Variants in DOCK2 observed in about 807,000 individuals in gnomAD.
DOCK2 encodes the protein dedicator of cytokinesis 2, also known as dedicator of cytokinesis protein 2.
In DOCK2, 87 loss-of-function variants were observed where a neutral mutation model predicts 248.9. That is an observed-to-expected ratio of 0.35 (90% confidence interval 0.29 to 0.42). The LOEUF is 0.42. Among genes scored for constraint, DOCK2 ranks in the 10% least tolerant of loss-of-function variants. The pLI, the probability that DOCK2 is intolerant of heterozygous loss-of-function variation, is 1.00. For missense variants in DOCK2, 1,747 were observed against 2,300.2 expected (o/e 0.76, Z 4.92); for synonymous variants, 805 against 821.6 (o/e 0.98, Z 0.35).
In DOCK2 at chr5:169,712,044, C is replaced by A. The variant is rs76094129; in HGVS notation, c.1555+37C>A. 132 of 1,613,938 alleles carry A rather than the reference C, an allele frequency of 8.2e-5. No homozygotes were observed. The Middle Eastern group carries it at 8.2e-4, about 10-fold the overall frequency. ...ACTGAATGGCATCTCTGCACCTCCCCCTAAGGGGAGAAGAATGGAAGAGCT... is the reference window on the plus strand; with the variant it reads ...ACTGAATGGCATCTCTGCACCTCCCACTAAGGGGAGAAGAATGGAAGAGCT... On this transcript the variant is annotated intron_variant, in intron 16 of 51. Coordinates refer to ENST00000520908, the MANE Select transcript of DOCK2 (RefSeq NM_004946.3).
intron 45 of DOCK2, among the ~76,000 whole-genome samples, chr5:170,068,453 G>C (rs1218589320): frequency 6.6e-6 from 1 of 152,150 alleles, no homozygotes; most frequent in Non-Finnish European, 1.5e-5. Context: ...GTTATCCATT[G>C]ATGTAAAACT....
chr5:169,860,681 G>T (rs1038900074), intron 27 of DOCK2, among the ~76,000 whole-genome samples: 1 of 152,166 alleles, frequency 6.6e-6, no homozygotes, highest in Admixed American at 6.5e-5. Context: ...CGTGGAGAAG[G>T]CAGGAAAAGG....
rs111590033 is a variant in DOCK2, at chr5:169,995,736, G to A, written c.2994-350G>A. On this transcript the variant is annotated intron_variant, in intron 29 of 51. Transcript: ENST00000520908. ...GATGACAGTTTTCGTTAGGTGATAC[G>A]ATGTGGTAGCAGGTTGTTTATTTGT... Among the ~76,000 whole-genome samples the A allele has an allele frequency of 5.8e-3, 883 of 152,292 alleles. 7 individuals carry two copies. The highest frequency in any genetic ancestry group is 0.041 in the Middle Eastern group (12 of 294).
chr5:169,720,329 A>C (rs76466217), intron 22 of DOCK2, among the ~76,000 whole-genome samples: 2,204 of 152,310 alleles, frequency 0.014, 130 homozygotes, highest in Admixed American at 0.12. Flanking sequence ...CTTCCAAGTG[A>C]GAATGTTTTA....
Position 169,860,477 on chromosome 5 carries a change from G to GA in DOCK2, c.2799+19627dup, listed in dbSNP as rs1380358725. Among the ~76,000 whole-genome samples the GA allele has an allele frequency of 2.6e-5, 4 of 152,252 alleles. No individual in the cohort carries two copies. The East Asian group carries it at 7.7e-4, about 29-fold the overall frequency. On this transcript the variant is annotated intron_variant, in intron 27 of 51. Transcript: ENST00000520908. ...TTGGGAGGCAGGGGGTATATCAGAG[G>GA]AATCAGAGGCTCACAGAAACTAAGC...
intron 22 of DOCK2, among the ~76,000 whole-genome samples, chr5:169,746,992 G>A (rs1400746859): frequency 1.3e-5 from 2 of 152,184 alleles, no homozygotes; most frequent in Non-Finnish European, 2.9e-5. Flanking sequence ...ACAATGGGTG[G>A]CGGAAATGGC....
At chr5:169,835,461 G>T (rs1024274468) in intron 26 of DOCK2, among the ~76,000 whole-genome samples, 4 of 151,914 alleles carry the variant, frequency 2.6e-5, no homozygotes, top group Non-Finnish European at 5.9e-5. Flanking sequence ...CACCATGTTG[G>T]CCAGGCTGGT....
intron 22 of DOCK2, among the ~76,000 whole-genome samples, chr5:169,723,403 G>A (rs924281399): frequency 3.3e-5 from 5 of 152,104 alleles, no homozygotes; most frequent in Non-Finnish European, 5.9e-5. Flanking sequence ...GGTCATAATA[G>A]TACCTACCAT....
intron 32 of DOCK2, among the ~76,000 whole-genome samples, chr5:170,013,458 C>T (rs1755386478): frequency 6.6e-6 from 1 of 151,996 alleles, no homozygotes; most frequent in South Asian, 2.1e-4. Context: ...ACAATTACAG[C>T]ATCCTTATAG....
intron 27 of DOCK2, among the ~76,000 whole-genome samples, chr5:169,861,367 T>G (rs1771184525): frequency 6.6e-6 from 1 of 152,334 alleles, no homozygotes; most frequent in South Asian, 2.1e-4. Context: ...TTTAGAAATT[T>G]ACAAAACCTT....
intron 32 of DOCK2, among the ~76,000 whole-genome samples, chr5:170,010,211 TATG>T (rs1310229310): frequency 2.0e-5 from 3 of 152,144 alleles, no homozygotes; most frequent in Non-Finnish European, 4.4e-5. Flanking sequence ...CCTCCCTAGT[TATG>T]ACAACCAAAA....
chr5:170,034,287 G>T, intron 34 of DOCK2, 112 bp from the exon 35 acceptor site: 2 of 1,335,596 alleles, frequency 1.5e-6, no homozygotes, highest in East Asian at 2.4e-5. Context: ...GAGCAGTCAG[G>T]GAACTTGGGT....
chr5:169,715,217 C>A (rs1761832070), intron 19 of DOCK2, among the ~76,000 whole-genome samples: 1 of 152,156 alleles, frequency 6.6e-6, no homozygotes, highest in South Asian at 2.1e-4. Context: ...CTAATTAAAG[C>A]AACCCTTCTC....
intron 27 of DOCK2, among the ~76,000 whole-genome samples, chr5:169,924,964 T>C (rs1561828307): frequency 6.6e-6 from 1 of 152,216 alleles, no homozygotes; most frequent in Admixed American, 6.5e-5. Flanking sequence ...TTCCTGGGGA[T>C]GTTCCAATCT....
At chr5:169,850,422 G>A (rs1381036918) in intron 27 of DOCK2, among the ~76,000 whole-genome samples, 3 of 152,120 alleles carry the variant, frequency 2.0e-5, no homozygotes, top group African/African-American at 7.2e-5. Context: ...TAATTTAATT[G>A]AGAAAATTCC....
rs114580594 is a variant in DOCK2, at chr5:169,909,382, A to G, written c.2799+68530A>G. 4.5e-3 allele frequency among the ~76,000 whole-genome samples: 691 copies of G among 152,328 alleles called. 2 individuals are homozygous for G. The highest frequency in any genetic ancestry group is 0.016 in the African/African-American group (655 of 41,574). ...TGATTAAGGAAATGAAATCAGTGGG[A>G]CATAGAATATTTCAGAAAGATGCTA... On this transcript the variant is annotated intron_variant, in intron 27 of 51. Coordinates refer to ENST00000520908, the MANE Select transcript of DOCK2 (RefSeq NM_004946.3).
At position 169,763,313 on chromosome 5, in the gene DOCK2, A is replaced by G. The variant is rs1764589639; in HGVS notation, c.2554+1688A>G. Among the ~76,000 whole-genome samples, 1 of 152,214 alleles carries G rather than the reference A, an allele frequency of 6.6e-6. No homozygotes were observed. Among genetic ancestry groups the G allele is most frequent in the African/African-American group, 2.4e-5 (1 of 41,458 alleles). The stretch of plus-strand genomic sequence containing the variant: ...CCTTCCTGCCCTGGAAGCCCCTCTC[A>G]GGATTTCAGGTGGTGCCACTGCAGA... On this transcript the variant is annotated intron_variant, in intron 25 of 51. Transcript: ENST00000520908. This position sits in a 1 kb window ranked among gnomAD's most constrained non-coding sequence, Gnocchi z 4.1.
chr5:169,959,717 A>T (rs1777006026), intron 27 of DOCK2, among the ~76,000 whole-genome samples: 1 of 152,222 alleles, frequency 6.6e-6, no homozygotes, highest in Non-Finnish European at 1.5e-5. Context: ...CCTTGACTAG[A>T]TATTTTACTA....
At chr5:169,754,541 G>A (rs977349930) in intron 23 of DOCK2, among the ~76,000 whole-genome samples, 1 of 152,184 alleles carries the variant, frequency 6.6e-6, no homozygotes, top group Non-Finnish European at 1.5e-5. Context: ...CAGAAGAACT[G>A]CACTTTATTT....
Sources: allele counts gnomAD v4.1 joint callset (sites outside exome capture counted in the v4.1 genomes callset), GRCh38; gene constraint gnomAD v4.1.1; non-coding constraint Gnocchi (gnomAD v3.1); transcripts MANE v1.5; gene names NCBI Gene and HGNC (gene_info 2026-07-23, HGNC 2026-07-21).